Variants in TAPBPL observed in about 807,000 individuals in gnomAD.
TAPBPL encodes TAP binding protein like, also known as tapasin-related protein.
A neutral mutation model predicts 44.8 loss-of-function variants in TAPBPL; 32 were observed. That is an observed-to-expected ratio of 0.71 (90% CI 0.54 to 0.96). The LOEUF is 0.96. Among genes scored for constraint, TAPBPL ranks in the 40% least tolerant of loss-of-function variants. The pLI is 0.00. For missense variants in TAPBPL, 520 were observed against 586.6 expected, an observed-to-expected ratio of 0.89 and a Z score of 1.17; for synonymous variants, 230 against 240.7, an observed-to-expected ratio of 0.96 and a Z score of 0.41.
downstream of TAPBPL, chr12:6,466,082 G>A: frequency 6.2e-7 from 1 of 1,611,774 alleles, no homozygotes. Flanking sequence ...TCACAAGTCT[G>A]GCCCTGTGCA....
At chr12:6,456,907 C>A (rs937100124) in intron 3 of TAPBPL, among the ~76,000 whole-genome samples, 1 of 152,206 alleles carries the variant, frequency 6.6e-6, no homozygotes, top group African/African-American at 2.4e-5. Context: ...CCCACCTCGG[C>A]CCCCCAAAGT....
chr12:6,457,067 C>T (rs1949720451), intron 3 of TAPBPL, among the ~76,000 whole-genome samples: 1 of 152,210 alleles, frequency 6.6e-6, no homozygotes, highest in African/African-American at 2.4e-5. Flanking sequence ...AGTGGAACAA[C>T]CAGGGTTTCA....
At chr12:6,457,120 T>A (rs1218999499) in intron 3 of TAPBPL, among the ~76,000 whole-genome samples, 1 of 152,256 alleles carries the variant, frequency 6.6e-6, no homozygotes, top group African/African-American at 2.4e-5. Context: ...TGAAGATTGA[T>A]GGTAACTCTT....
At chr12:6,465,793 T>C, downstream of TAPBPL, 2 of 1,606,738 alleles carry the variant, frequency 1.2e-6, no homozygotes, top group Non-Finnish European at 1.7e-6. Context: ...TCTTGCCTTC[T>C]ACCAGTGGAA....
At chr12:6,470,629 C>A (rs972152808), downstream of TAPBPL, 28 of 1,528,778 alleles carry the variant, frequency 1.8e-5, no homozygotes, top group East Asian at 1.4e-4. Context: ...AACTGCCAAG[C>A]TCCGCCTCGC....
chr12:6,458,440 C>A (rs965258809), intron 4 of TAPBPL, among the ~76,000 whole-genome samples: 1 of 151,880 alleles, frequency 6.6e-6, no homozygotes, highest in African/African-American at 2.4e-5. Context: ...GTTGGCTTTA[C>A]TATCTGTTTT....
downstream of TAPBPL, chr12:6,465,699 G>C (rs1188691572): frequency 1.3e-5 from 15 of 1,179,208 alleles, no homozygotes; most frequent in Non-Finnish European, 1.6e-5. Flanking sequence ...TCAAGAGGAG[G>C]CTTTCCAGAT....
intron 3 of TAPBPL, among the ~76,000 whole-genome samples, chr12:6,456,970 C>G (rs1045588413): frequency 6.6e-6 from 1 of 152,168 alleles, no homozygotes; most frequent in Admixed American, 6.6e-5. Context: ...ACTTTTTAAA[C>G]TATTGTTTCT....
downstream of TAPBPL, chr12:6,463,279 C>T (rs1302145395): frequency 4.6e-6 from 6 of 1,308,038 alleles, no homozygotes; most frequent in African/African-American, 7.5e-5. The surrounding 1 kb of genome is among the most constrained non-coding windows in gnomAD (Gnocchi z 4.0). Context: ...CCCATGACAG[C>T]ACAGCAATAC....
chr12:6,465,440 ATG>A (rs1565526353), downstream of TAPBPL: 6 of 136,694 alleles, frequency 4.4e-5, no homozygotes, highest in East Asian at 1.1e-3. Context: ...ATGTATATAT[ATG>A]TATATATACA....
downstream of TAPBPL, among the ~76,000 whole-genome samples, chr12:6,469,779 G>C (rs1386103712): frequency 6.6e-6 from 1 of 152,206 alleles, no homozygotes; most frequent in Non-Finnish European, 1.5e-5. Flanking sequence ...TCATGCGAAG[G>C]GGGTGATGTT....
chr12:6,464,492 C>G (rs1480399988), downstream of TAPBPL: 10 of 1,515,712 alleles, frequency 6.6e-6, no homozygotes, highest in Admixed American at 2.2e-5. Context: ...GTAGACTGGA[C>G]ACAGGAATCA....
chr12:6,463,210 G>T, downstream of TAPBPL: 1 of 1,431,280 alleles, frequency 7.0e-7, no homozygotes. The surrounding 1 kb of genome is among the most constrained non-coding windows in gnomAD (Gnocchi z 4.0). Flanking sequence ...ACAGGAAAGG[G>T]TGGTTCAAAG....
At chr12:6,463,559 T>C, downstream of TAPBPL, 1 of 1,058,710 alleles carries the variant, frequency 9.4e-7, no homozygotes, top group Non-Finnish European at 1.1e-6. The surrounding 1 kb of genome is among the most constrained non-coding windows in gnomAD (Gnocchi z 4.0). Flanking sequence ...TCCTCTGAGC[T>C]TGTTACTTTC....
At chr12:6,458,560 A>C (rs1167217329) in intron 4 of TAPBPL, 85 bp from the exon 5 acceptor site, 3 of 1,511,528 alleles carry the variant, frequency 2.0e-6, no homozygotes, top group Non-Finnish European at 2.7e-6. Flanking sequence ...ATCTACTCTC[A>C]TCTTGGCAGG....
chr12:6,453,435 GCTT>G lies in TAPBPL; in HGVS notation c.296-9_296-7del, dbSNP rs751408979. The G allele has an allele frequency of 1.2e-6, 2 of 1,613,794 alleles. No homozygotes were observed. Among genetic ancestry groups the G allele is most frequent in the South Asian group, 2.2e-5 (2 of 91,050 alleles). ...CTAATTTGCCCTCTGTGTGTGCCCT[GCTT>G]CTCCCCAGTGGACCTGGTCCAGATT... is the stretch of plus-strand genomic sequence containing the variant. On this transcript the variant is annotated splice_polypyrimidine_tract_variant and intron_variant, in intron 2 of 6. Transcript: ENST00000266556. This position sits in a 1 kb window ranked among gnomAD's most constrained non-coding sequence, Gnocchi z 4.8.
chr12:6,461,338 G>A (rs1463113932), intron 6 of TAPBPL: 2 of 1,032,244 alleles, frequency 1.9e-6, no homozygotes, highest in African/African-American at 1.7e-5. Flanking sequence ...GAAGAAGTGA[G>A]GGGACAAGAA....
At chr12:6,470,749 G>A, downstream of TAPBPL, 1 of 623,592 alleles carries the variant, frequency 1.6e-6, no homozygotes, top group Non-Finnish European at 2.9e-6. Context: ...CAACCCCGCG[G>A]CCCAATCCAT....
chr12:6,466,651 G>A (rs1036978392), downstream of TAPBPL: 4 of 246,050 alleles, frequency 1.6e-5, no homozygotes, highest in Non-Finnish European at 1.6e-5. Flanking sequence ...AAACCATAGA[G>A]GCAAGAAGTA....
Sources: gnomAD v4.1 joint callset for allele counts (sites outside exome capture counted in the v4.1 genomes callset) on GRCh38, gnomAD v4.1.1 for gene constraint, Gnocchi (gnomAD v3.1) non-coding constraint, MANE v1.5 for transcripts, NCBI Gene and HGNC (gene_info 2026-07-23, HGNC 2026-07-21) for gene names.